The following NRXN3 variants were observed in gnomAD, a reference collection of about 807,000 sequenced individuals.
The protein encoded by NRXN3 is neurexin 3, also known as neurexin III.
NRXN3 carries 32 observed loss-of-function variants against 137.6 expected under a neutral mutation model. The observed-to-expected ratio is 0.23, with a 90% CI of 0.18 to 0.31. The LOEUF (loss-of-function observed/expected upper bound fraction) is 0.31. Ranked by LOEUF, NRXN3 falls within the 10% of genes least tolerant of loss-of-function variation. The pLI is 1.00. For synonymous variants in NRXN3, 798 were observed against 784.5 expected, an observed-to-expected ratio of 1.02 and a Z score of -0.29; for missense variants, 1,574 against 2,062.5, an observed-to-expected ratio of 0.76 and a Z score of 4.59.
At chr14:79,203,184 G>GGACA (rs1426901132) in intron 15 of NRXN3, among the ~76,000 whole-genome samples, 1 of 152,130 alleles carries the variant, frequency 6.6e-6, no homozygotes, top group Non-Finnish European at 1.5e-5. Context: ...AGCAGACTCT[G>GGACA]GATCTGAAGA....
rs564533772 is a variant in NRXN3, at chr14:79,371,123, T to C, written c.3263-96098T>C. 2.6e-4 allele frequency among the ~76,000 whole-genome samples: 40 copies of C among 152,292 alleles called. 2 individuals carry two copies. The South Asian group carries it at 7.9e-3, about 30-fold the overall frequency. ...GGTATCAAGCAGTAGAAAAAGAATA[T>C]GGCAGATCAGGTGGATTTTGCTGTC... On this transcript the variant is annotated intron_variant, in intron 15 of 20. Transcript: ENST00000335750.
intron 15 of NRXN3, among the ~76,000 whole-genome samples, chr14:79,109,972 A>G (rs923396439): frequency 2.0e-5 from 3 of 152,174 alleles, no homozygotes; most frequent in Non-Finnish European, 2.9e-5. Context: ...AAAAGTTAAA[A>G]AAATTAGAAA....
intron 10 of NRXN3, among the ~76,000 whole-genome samples, chr14:78,859,103 A>G (rs1461463940): frequency 6.6e-6 from 1 of 152,138 alleles, no homozygotes; most frequent in Non-Finnish European, 1.5e-5. Context: ...GTGAGTTCTC[A>G]CAAAATCTGA....
At chr14:78,725,366 C>T (rs2098478261) in intron 8 of NRXN3, among the ~76,000 whole-genome samples, 1 of 152,240 alleles carries the variant, frequency 6.6e-6, no homozygotes, top group Non-Finnish European at 1.5e-5. Context: ...GTTGAATTCT[C>T]CCCATCCTGG....
intron 15 of NRXN3, among the ~76,000 whole-genome samples, chr14:79,049,687 G>A (rs896833671): frequency 6.6e-6 from 1 of 152,022 alleles, no homozygotes; most frequent in Non-Finnish European, 1.5e-5. Flanking sequence ...CTTACAAAAT[G>A]TATTTCTTCA....
At chr14:78,645,445 C>T (rs1332908867) in intron 5 of NRXN3, 24 bp downstream of exon 5, 3 of 1,542,914 alleles carry the variant, frequency 1.9e-6, no homozygotes, top group Non-Finnish European at 2.6e-6. Flanking sequence ...GGAGAGAATT[C>T]CTGGAAGGCT....
intron 16 of NRXN3, among the ~76,000 whole-genome samples, chr14:79,535,387 C>T (rs538942001): frequency 2.0e-5 from 3 of 152,186 alleles, no homozygotes; most frequent in South Asian, 4.1e-4. Flanking sequence ...AAGCATGGAT[C>T]GGTTGCAGCA....
chr14:79,819,630 G>A lies in NRXN3; in HGVS notation c.4093+14440G>A, dbSNP rs186604193. ...CGCCTGAGTAGCTGGGACTAAAGGC[G>A]TGAGCCACCACGCCCAGCTAATTTT... On this transcript the variant is annotated intron_variant, in intron 20 of 20. Transcript: ENST00000335750. 4.3e-4 allele frequency among the ~76,000 whole-genome samples: 65 copies of A among 151,742 alleles called. No homozygotes were observed. In the East Asian group the frequency reaches 8.8e-3, roughly 21 times the overall value.
intron 16 of NRXN3, among the ~76,000 whole-genome samples, chr14:79,479,831 G>A (rs563515987): frequency 6.6e-6 from 1 of 152,170 alleles, no homozygotes; most frequent in African/African-American, 2.4e-5. Flanking sequence ...CTAATCTGAG[G>A]TTTTGAATGC....
At chr14:78,283,955 T>A (rs185856759) in intron 3 of NRXN3, among the ~76,000 whole-genome samples, 169 of 152,344 alleles carry the variant, frequency 1.1e-3, no homozygotes, top group Non-Finnish European at 2.1e-3. Context: ...CTATTCAAGT[T>A]ACTTTACCTT....
intron 16 of NRXN3, among the ~76,000 whole-genome samples, chr14:79,621,681 C>T (rs536819839): frequency 1.3e-5 from 2 of 152,290 alleles, no homozygotes; most frequent in South Asian, 4.1e-4. Context: ...ATCAGAATGG[C>T]TTTGAACAAT....
intron 16 of NRXN3, among the ~76,000 whole-genome samples, chr14:79,613,502 C>A (rs976999673): frequency 6.6e-6 from 1 of 152,200 alleles, no homozygotes; most frequent in Admixed American, 6.5e-5. Flanking sequence ...TTTAGCCAAA[C>A]CACTTCTTAA....
intron 11 of NRXN3, among the ~76,000 whole-genome samples, chr14:78,958,392 G>T (rs1437914956): frequency 6.3e-5 from 9 of 142,708 alleles, no homozygotes; most frequent in African/African-American, 2.4e-4. Flanking sequence ...GTCTTGCTCT[G>T]TCGCCCAGGC....
chr14:78,549,265 A>G (rs2096664298), intron 4 of NRXN3, among the ~76,000 whole-genome samples: 1 of 152,222 alleles, frequency 6.6e-6, no homozygotes, highest in Non-Finnish European at 1.5e-5. Context: ...TGCACCTAGT[A>G]AATGAGTCTT....
chr14:79,791,507 AATT>A (rs2099145270), intron 19 of NRXN3, among the ~76,000 whole-genome samples: 3 of 120,210 alleles, frequency 2.5e-5, no homozygotes, highest in African/African-American at 1.1e-4. Flanking sequence ...TATATATTGT[AATT>A]ATAATTAATT....
chr14:78,653,598 A>G (rs1322773453), intron 6 of NRXN3, among the ~76,000 whole-genome samples: 1 of 152,138 alleles, frequency 6.6e-6, no homozygotes, highest in African/African-American at 2.4e-5. Context: ...CCAACCATGA[A>G]TCTTCTATCT....
chr14:78,569,237 G>A (rs2096866258), intron 4 of NRXN3, among the ~76,000 whole-genome samples: 1 of 150,078 alleles, frequency 6.7e-6, no homozygotes, highest in South Asian at 2.1e-4. Flanking sequence ...CCAAAGTGCT[G>A]GGATTGCAGG....
chr14:78,566,972 C>T (rs188685786), intron 4 of NRXN3, among the ~76,000 whole-genome samples: 4 of 152,292 alleles, frequency 2.6e-5, no homozygotes, highest in African/African-American at 7.2e-5. Context: ...CCTCAGAGTT[C>T]TCTGTTCAAG....
rs571602768 is a variant in NRXN3 at position 78,659,122 on chromosome 14, T to C, written c.1221+7796T>C. On this transcript the variant is annotated intron_variant, in intron 6 of 20. Transcript: ENST00000335750. ...ATGGATAGGCCCTCAAACAATATGA[T>C]TGGTGTCGTTATAAGAAGGAGTGAT... Among the ~76,000 whole-genome samples, 4 of 151,990 alleles carry C rather than the reference T, an allele frequency of 2.6e-5. No homozygotes were observed. The South Asian group carries it at 8.3e-4, about 32-fold the overall frequency.
Sources: gnomAD v4.1 joint callset for allele counts (sites outside exome capture counted in the v4.1 genomes callset) on GRCh38, gnomAD v4.1.1 for gene constraint, MANE v1.5 for transcripts, NCBI Gene and HGNC (gene_info 2026-07-23, HGNC 2026-07-21) for gene names.